The following WWOX variants were observed in gnomAD, a reference collection of about 807,000 sequenced individuals.
WWOX encodes WW domain-containing oxidoreductase.
Under a neutral mutation model 46.2 loss-of-function variants are expected in WWOX, and 69 were observed. That is an observed-to-expected ratio of 1.49 (90% CI 1.23 to 1.82). WWOX has a LOEUF of 1.82. Among genes scored for constraint, WWOX ranks in the 40% most tolerant of loss-of-function variants. The probability of loss-of-function intolerance (pLI) is 0.00; values close to 1 mark genes in which losing one functional copy is unlikely to be tolerated. For synonymous variants in WWOX, 359 were observed against 202.6 expected (o/e 1.77, Z -6.56); for missense variants, 919 against 542.6 (o/e 1.69, Z -6.89).
chr16:78,806,792 C>A (rs1284793984), intron 8 of WWOX, among the ~76,000 whole-genome samples: 1 of 152,194 alleles, frequency 6.6e-6, no homozygotes, highest in African/African-American at 2.4e-5. Flanking sequence ...TAGACCCCAC[C>A]TCTTCTGGAA....
At position 78,822,137 on chromosome 16, in the gene WWOX, A is replaced by C. The variant is rs564357389; in HGVS notation, c.1056+389385A>C. On this transcript the variant is annotated intron_variant, in intron 8 of 8. Transcript: ENST00000566780. ...GTGATCCTCTTGCCTTGGCCTCCCAAAGTGCTGGGATTACAGGTGTGAGCC... is the reference window on the plus strand; with the variant it reads ...GTGATCCTCTTGCCTTGGCCTCCCACAGTGCTGGGATTACAGGTGTGAGCC... Among the ~76,000 whole-genome samples, 424 of 152,228 alleles carry C rather than the reference A, an allele frequency of 2.8e-3. 1 individual carries two copies. The highest frequency in any genetic ancestry group is 0.01 in the Middle Eastern group (3 of 294).
At chr16:78,753,154 G>GC (rs2049528919) in intron 8 of WWOX, among the ~76,000 whole-genome samples, 1 of 152,022 alleles carries the variant, frequency 6.6e-6, no homozygotes, top group African/African-American at 2.4e-5. Context: ...AACAAAATTA[G>GC]CCGGGCGTGG....
chr16:78,335,445 G>T (rs1234724801), intron 5 of WWOX, among the ~76,000 whole-genome samples: 1 of 152,164 alleles, frequency 6.6e-6, no homozygotes, highest in Non-Finnish European at 1.5e-5. Context: ...TGTCCCTGCA[G>T]AGGACATGAT....
chr16:78,670,584 G>C (rs976406916), intron 8 of WWOX, among the ~76,000 whole-genome samples: 1 of 152,026 alleles, frequency 6.6e-6, no homozygotes, highest in African/African-American at 2.4e-5. Context: ...GATGGTTGCT[G>C]TACTAGATGA....
rs1439937900 is a variant in WWOX, at chr16:78,104,695, A to C, written c.108-3728A>C. On this transcript the variant is annotated intron_variant, in intron 1 of 8. Transcript: ENST00000566780. ...AGGAGAATAGGAGAATGCTTAGGGGACATGTGTTCTAATTTTCTCTTCATT... is the reference window on the plus strand; with the variant it reads ...AGGAGAATAGGAGAATGCTTAGGGGCCATGTGTTCTAATTTTCTCTTCATT... Among the ~76,000 whole-genome samples, 3 of 152,288 alleles carry C rather than the reference A, an allele frequency of 2.0e-5. No homozygotes were observed. The East Asian group carries it at 5.8e-4, about 29-fold the overall frequency.
rs150694710 is a variant in WWOX at position 78,391,613 on chromosome 16, C to T, written c.605+4665C>T. 4.6e-3 allele frequency among the ~76,000 whole-genome samples: 705 copies of T among 152,270 alleles called. 10 individuals are homozygous for T. The highest frequency in any genetic ancestry group is 0.034 in the East Asian group (174 of 5,170). On this transcript the variant is annotated intron_variant, in intron 6 of 8. Coordinates refer to ENST00000566780, the MANE Select transcript of WWOX (RefSeq NM_016373.4). ...ATGTAATCCCAGCACCTGGGGAGGCCGCAGTGGGTGGATTGCTTGAGGCCA... is the reference window on the plus strand; with the variant it reads ...ATGTAATCCCAGCACCTGGGGAGGCTGCAGTGGGTGGATTGCTTGAGGCCA...
At chr16:78,400,088 CAT>C (rs1295696796) in intron 6 of WWOX, among the ~76,000 whole-genome samples, 7 of 152,156 alleles carry the variant, frequency 4.6e-5, no homozygotes, top group East Asian at 1.9e-4. Context: ...TTCAGAAAAA[CAT>C]AAACGGGACC....
intron 8 of WWOX, among the ~76,000 whole-genome samples, chr16:78,869,677 A>G (rs938001121): frequency 2.0e-5 from 3 of 152,196 alleles, no homozygotes; most frequent in Non-Finnish European, 2.9e-5. Flanking sequence ...GTGGTGGCCT[A>G]CTTACAGTGC....
chr16:79,070,891 T>A (rs974250732), intron 8 of WWOX, among the ~76,000 whole-genome samples: 1 of 152,174 alleles, frequency 6.6e-6, no homozygotes, highest in African/African-American at 2.4e-5. Context: ...ACAGAAACTT[T>A]TTGAAGTAGC....
chr16:78,691,178 A>G, intron 8 of WWOX: 1 of 698,176 alleles, frequency 1.4e-6, no homozygotes, highest in Non-Finnish European at 2.6e-6. Flanking sequence ...TTTGTGCGAT[A>G]AGAGAATAGA....
At chr16:78,707,380 G>C (rs150850220) in intron 8 of WWOX, among the ~76,000 whole-genome samples, 2 of 152,186 alleles carry the variant, frequency 1.3e-5, no homozygotes, top group South Asian at 4.1e-4. Flanking sequence ...ATGCGTCCTT[G>C]TCTGTGCCAC....
intron 8 of WWOX, among the ~76,000 whole-genome samples, chr16:78,853,130 T>C (rs1378872545): frequency 6.6e-6 from 1 of 152,262 alleles, no homozygotes; most frequent in Non-Finnish European, 1.5e-5. Context: ...TAACAATATG[T>C]TGTACTATAC....
chr16:78,310,778 A>G (rs2080226233), intron 5 of WWOX, among the ~76,000 whole-genome samples: 1 of 152,220 alleles, frequency 6.6e-6, no homozygotes, highest in Admixed American at 6.5e-5. Context: ...CAGCTGTGTC[A>G]GCCCATTTTC....
intron 8 of WWOX, among the ~76,000 whole-genome samples, chr16:78,766,400 GC>G (rs2049925594): frequency 6.6e-6 from 1 of 152,148 alleles, no homozygotes; most frequent in Non-Finnish European, 1.5e-5. Context: ...TTCAAAACCA[GC>G]CTGGGCAACA....
chr16:78,187,910 G>A (rs1413514830), intron 5 of WWOX, among the ~76,000 whole-genome samples: 1 of 152,146 alleles, frequency 6.6e-6, no homozygotes, highest in Admixed American at 6.5e-5. Context: ...GACGTAACAG[G>A]TGTTTCCCAG....
At chr16:78,889,705 A>T (rs1172673864) in intron 8 of WWOX, among the ~76,000 whole-genome samples, 1 of 152,044 alleles carries the variant, frequency 6.6e-6, no homozygotes, top group Non-Finnish European at 1.5e-5. Flanking sequence ...GGCAGGTGAC[A>T]ATTTCTGCAG....
At chr16:78,822,580 A>C (rs994202450) in intron 8 of WWOX, among the ~76,000 whole-genome samples, 2 of 152,218 alleles carry the variant, frequency 1.3e-5, no homozygotes, top group Non-Finnish European at 2.9e-5. Context: ...AATATTTTAT[A>C]AATAAAGTCT....
At chr16:78,827,156 C>T (rs990482868) in intron 8 of WWOX, among the ~76,000 whole-genome samples, 5 of 152,070 alleles carry the variant, frequency 3.3e-5, no homozygotes, top group Non-Finnish European at 7.3e-5. Context: ...TTAGCTGTTC[C>T]CCCAACTGCA....
chr16:78,586,834 C>G (rs1333014775), intron 8 of WWOX, among the ~76,000 whole-genome samples: 4 of 152,072 alleles, frequency 2.6e-5, no homozygotes, highest in African/African-American at 7.2e-5. Context: ...TAATTTCAGA[C>G]TCAGGTTTGT....
Sources: gnomAD v4.1 joint callset for allele counts (sites outside exome capture counted in the v4.1 genomes callset) on GRCh38, gnomAD v4.1.1 for gene constraint, MANE v1.5 for transcripts, NCBI Gene and HGNC (gene_info 2026-07-23, HGNC 2026-07-21) for gene names.